MSH5: variants seen among roughly 807,000 people sequenced by gnomAD.
MSH5 encodes the protein mutS homolog 5, also known as mutS protein homolog 5.
In MSH5, 78 loss-of-function variants were observed where a neutral mutation model predicts 107.7. The ratio of observed to expected loss-of-function variants is 0.72; its 90% CI spans 0.60 to 0.87. The LOEUF (loss-of-function observed/expected upper bound fraction) is 0.87, where lower values mean the gene tolerates loss of function less well. Among genes scored for constraint, MSH5 ranks in the 40% least tolerant of loss-of-function variants. The probability of loss-of-function intolerance (pLI) is 0.00; values close to 1 mark genes in which losing one functional copy is unlikely to be tolerated. For missense variants in MSH5, 889 were observed against 1,046.6 expected (o/e 0.85, Z 2.08); for synonymous variants, 326 against 399.5 (o/e 0.82, Z 2.19).
chr6:31,758,112 A>T lies in MSH5; in HGVS notation c.1015-53A>T. 6.2e-7 allele frequency: 1 copy of T among 1,608,768 alleles called. No individual in the cohort carries two copies. Among genetic ancestry groups the T allele is most frequent in the Non-Finnish European group, 8.5e-7 (1 of 1,177,262 alleles). ...TTCTTCTGAGTCTGTCCCTATCACCACCTCAACCCGAGCTGGATGTGGCCT... is the reference window on the plus strand; with the variant it reads ...TTCTTCTGAGTCTGTCCCTATCACCTCCTCAACCCGAGCTGGATGTGGCCT... On this transcript the variant is annotated intron_variant, in intron 12 of 24. Transcript: ENST00000375750. The surrounding 1 kb of genome is among the most constrained non-coding windows in gnomAD (Gnocchi z 5.1).
chr6:31,761,485 C>G lies in MSH5; in HGVS notation c.2051C>G (p.Ala684Gly), dbSNP rs780625907. Residue 684 changes from alanine (A) to glycine (G), a missense_variant, in exon 22 of 25, where the codon GCG becomes GGG. Around this residue, in one of 3 missense-constraint regions of MSH5, gnomAD observed 362 missense variants for 456.2 expected, o/e 0.79. Coordinates refer to ENST00000375750, the MANE Select transcript of MSH5 (RefSeq NM_172166.4). This position sits in a 1 kb window ranked among gnomAD's most constrained non-coding sequence, Gnocchi z 5.3. ...CCCTCTTTGCAGGTGGATGGGCTCG[C>G]GCTTCTGGCCGCTGTGCTCCGACAC... Reference protein sequence around the residue: ...GKGTNTVDGLALLAAVLRHWL... With the variant: ...GKGTNTVDGLGLLAAVLRHWL... The G allele has an allele frequency of 6.2e-7, 1 of 1,613,190 alleles. No homozygotes were observed. Among genetic ancestry groups the G allele is most frequent in the Non-Finnish European group, 8.5e-7 (1 of 1,180,040 alleles).
At chr6:31,752,468 A>G (rs1810048496) in intron 10 of MSH5, among the ~76,000 whole-genome samples, 1 of 152,102 alleles carries the variant, frequency 6.6e-6, no homozygotes, top group Non-Finnish European at 1.5e-5. Flanking sequence ...CACGCCTGTA[A>G]TCCCAGCACT....
intron 3 of MSH5, among the ~76,000 whole-genome samples, chr6:31,742,566 A>G (rs1809014850): frequency 6.6e-6 from 1 of 152,174 alleles, no homozygotes; most frequent in Non-Finnish European, 1.5e-5. Flanking sequence ...CCACAAATAT[A>G]TATGACGTAT....
In MSH5 at chr6:31,743,890, C is replaced by T; in HGVS notation, c.416-14C>T. On this transcript the variant is annotated splice_polypyrimidine_tract_variant and intron_variant, in intron 5 of 24. Coordinates refer to ENST00000375750, the MANE Select transcript of MSH5 (RefSeq NM_172166.4). ...GCTACAAGACCGTTCCCTTTGCTTG[C>T]CTCCCTCAAATAGGTCTGGAGATAA... The T allele has an allele frequency of 6.2e-7, 1 of 1,612,082 alleles. No individual in the cohort carries two copies. Among genetic ancestry groups the T allele is most frequent in the Non-Finnish European group, 8.5e-7 (1 of 1,179,566 alleles).
chr6:31,755,498 G>A (rs965841499), intron 12 of MSH5, among the ~76,000 whole-genome samples: 1 of 152,042 alleles, frequency 6.6e-6, no homozygotes, highest in African/African-American at 2.4e-5. Flanking sequence ...AAGTAGCTGG[G>A]ATTACAGGTG....
At position 31,740,616 on chromosome 6, in the gene MSH5, C is replaced by T; in HGVS notation, c.147+3C>T. ...AGGAGGAGGAGGAGCTGGCCGAGGT[C>T]TCTGAGGGGAGTAGAAACTTGAATG... On this transcript the variant is annotated splice_donor_region_variant and intron_variant, in intron 2 of 24. Transcript: ENST00000375750. This position sits in a 1 kb window ranked among gnomAD's most constrained non-coding sequence, Gnocchi z 4.4. 2 of 1,493,998 alleles carry T rather than the reference C, an allele frequency of 1.3e-6. No individual in the cohort carries two copies. The highest frequency in any genetic ancestry group is 1.8e-6 in the Non-Finnish European group (2 of 1,124,520). 92.5% of individuals were successfully genotyped at this position (1,493,998 alleles called of 1,614,324 possible). A position where few individuals can be genotyped will look rare whatever the true frequency, so the allele number is the denominator to read the frequency against.
In MSH5 at chr6:31,740,552, C is replaced by T; in HGVS notation, c.86C>T (p.Pro29Leu). The T allele has an allele frequency of 6.6e-7, 1 of 1,524,794 alleles. No homozygotes were observed. The highest frequency in any genetic ancestry group is 1.4e-5 in the African/African-American group (1 of 70,604). 94.5% of individuals were successfully genotyped at this position (1,524,794 alleles called of 1,614,324 possible). Residue 29 changes from proline to leucine, a missense_variant, in exon 2 of 25, where the codon CCA becomes CTA. Pro to Leu is a moderately conservative substitution (Grantham distance 98). Coordinates refer to ENST00000375750, the MANE Select transcript of MSH5 (RefSeq NM_172166.4). The surrounding 1 kb of genome is among the most constrained non-coding windows in gnomAD (Gnocchi z 4.4). ...TCCTCCGGCTTCCCCAGCCCGGCCC[C>T]AGTGCCGGGCCCCAGGGAGGCCGAG... Reference protein sequence around the residue: ...AASSGFPSPAPVPGPREAEEE... With the variant: ...AASSGFPSPALVPGPREAEEE...
chr6:31,746,480 C>G, intron 9 of MSH5: 1 of 151,932 alleles, frequency 6.6e-6, no homozygotes, highest in Non-Finnish European at 1.5e-5. Context: ...GCTGTGTCAC[C>G]CAGGCTGGAG....
chr6:31,744,324 C>A (rs1809209199), intron 7 of MSH5, 25 bp downstream of exon 7: 1 of 1,613,672 alleles, frequency 6.2e-7, no homozygotes, highest in Non-Finnish European at 8.5e-7. Flanking sequence ...CCAACCCCAA[C>A]CAAAGTAATG....
chr6:31,762,515 C>G lies in MSH5; in HGVS notation c.2489C>G (p.Ala830Gly). Reference sequence around the variant, plus strand: ...ATGAGCCAGGAAGTGCTGCCTGCTGCCACCAGCATCCTCTGAGAGTCCTTC... The same window carrying G: ...ATGAGCCAGGAAGTGCTGCCTGCTGGCACCAGCATCCTCTGAGAGTCCTTC... ...VFMSQEVLPA[A>G]TSIL is the part of the protein sequence containing the mutation. Residue 830 changes from alanine to glycine, a missense_variant, in exon 25 of 25, where the codon GCC (alanine) becomes GGC (glycine). Transcript: ENST00000375750. 9 of 1,613,048 alleles carry G rather than the reference C, an allele frequency of 5.6e-6. No homozygotes were observed. The highest frequency in any genetic ancestry group is 7.6e-6 in the Non-Finnish European group (9 of 1,179,014).
intron 3 of MSH5, among the ~76,000 whole-genome samples, chr6:31,742,152 C>T (rs1808973333): frequency 2.6e-5 from 4 of 152,212 alleles, no homozygotes; most frequent in African/African-American, 7.2e-5. Flanking sequence ...CAAACTATAG[C>T]ACTGACTCAA....
At chr6:31,750,963 AAC>A in intron 10 of MSH5, among the ~76,000 whole-genome samples, 1 of 152,298 alleles carries the variant, frequency 6.6e-6, no homozygotes, top group African/African-American at 2.4e-5. Flanking sequence ...GAATTAGACA[AAC>A]ACAGATGAGA....
rs1808777012 is a variant in MSH5 at position 31,740,625 on chromosome 6, G to C, written c.147+12G>C. 6.7e-7 allele frequency: 1 copy of C among 1,486,160 alleles called. No individual in the cohort carries two copies. Among genetic ancestry groups the C allele is most frequent in the South Asian group, 1.3e-5 (1 of 75,878 alleles). The allele number at this position is 1,486,160 out of a possible 1,614,324, so 92.1% of individuals were successfully genotyped here. On this transcript the variant is annotated intron_variant, in intron 2 of 24. Transcript: ENST00000375750. The surrounding 1 kb of genome is among the most constrained non-coding windows in gnomAD (Gnocchi z 4.4). ...AGGAGCTGGCCGAGGTCTCTGAGGGGAGTAGAAACTTGAATGGAGAGTTGA... is the reference window on the plus strand; with the variant it reads ...AGGAGCTGGCCGAGGTCTCTGAGGGCAGTAGAAACTTGAATGGAGAGTTGA...
At position 31,762,093 on chromosome 6, in the gene MSH5, C is replaced by T. The variant is rs1261012494; in HGVS notation, c.2320-19C>T. The T allele has an allele frequency of 6.2e-7, 1 of 1,614,000 alleles. No individual in the cohort carries two copies. Among genetic ancestry groups the T allele is most frequent in the Non-Finnish European group, 8.5e-7 (1 of 1,179,964 alleles). ...TTCCCCACTCCCCTTACTCCTCCCACCTTCTTGCTTGTTCCTAGGTCTCAG... is the reference window on the plus strand; with the variant it reads ...TTCCCCACTCCCCTTACTCCTCCCATCTTCTTGCTTGTTCCTAGGTCTCAG... On this transcript the variant is annotated intron_variant, in intron 23 of 24. Transcript: ENST00000375750.
chr6:31,760,927 T>C lies in MSH5; in HGVS notation c.1962+88T>C. ...ATGCTCATAACAGGAAAGCATGCCC[T>C]CTGCTGCATGCCCTTTATACTAAAA... On this transcript the variant is annotated intron_variant, in intron 20 of 24. Transcript: ENST00000375750. The surrounding 1 kb of genome is among the most constrained non-coding windows in gnomAD (Gnocchi z 5.6). The C allele has an allele frequency of 7.1e-7, 1 of 1,411,734 alleles. No homozygotes were observed. 87.5% of individuals were successfully genotyped at this position (1,411,734 alleles called of 1,614,324 possible).
At chr6:31,755,337 CATTTATTTATTTATTT>C (rs60849631) in intron 12 of MSH5, among the ~76,000 whole-genome samples, 9 of 144,924 alleles carry the variant, frequency 6.2e-5, no homozygotes, top group Admixed American at 1.4e-4. Flanking sequence ...TTTTTGCTTG[CATTTATTTATTTATTT>C]ATTTATTTAT....
In MSH5 at chr6:31,747,396, A is replaced by G; in HGVS notation, c.776A>G (p.Asn259Ser). The G allele has an allele frequency of 6.2e-7, 1 of 1,613,056 alleles. No individual in the cohort carries two copies. Among genetic ancestry groups the G allele is most frequent in the Middle Eastern group, 1.6e-4 (1 of 6,062 alleles). Residue 259 changes from asparagine (N) to serine (S), a missense_variant, in exon 10 of 25, where the codon AAC becomes AGC. Transcript: ENST00000375750. ...KEGLSLFGIL[N>S]RCHCKWGEKL... ...GCCTTATCCCTCACAGGAATCCTCA[A>G]CAGATGCCACTGTAAGTGGGGAGAG...
rs1583896112 is a variant in MSH5, at chr6:31,741,419, C to A, written c.271+133C>A. 4 of 1,254,726 alleles carry A rather than the reference C, an allele frequency of 3.2e-6. No individual in the cohort carries two copies. In the East Asian group the frequency reaches 1.0e-4, roughly 32 times the overall value. 77.7% of individuals were successfully genotyped at this position (1,254,726 alleles called of 1,614,324 possible). ...TTCTAGACAGAGTCTTGCTCTGTTA[C>A]CCAGGCTCAAGTGCAGTGGCGCAAT... is the stretch of plus-strand genomic sequence containing the variant. On this transcript the variant is annotated intron_variant, in intron 3 of 24. Transcript: ENST00000375750.
At position 31,758,188 on chromosome 6, in the gene MSH5, GA is replaced by G; in HGVS notation, c.1039del (p.Arg347GlyfsTer35). ...AGACTGTGTACAGTGCCCTGGGCCT[GA>G]GGGATGCCTGCCGCTCCCTGCCGCA... The part of the protein sequence containing the change: ...YKTVYSALGL[R>X]DACRSLPQSI... On this transcript the variant is annotated frameshift_variant, in exon 13 of 25. Coordinates refer to ENST00000375750, the MANE Select transcript of MSH5 (RefSeq NM_172166.4). LOFTEE classifies it high-confidence loss of function. The surrounding 1 kb of genome is among the most constrained non-coding windows in gnomAD (Gnocchi z 5.1). 1 of 1,613,032 alleles carries G rather than the reference GA, an allele frequency of 6.2e-7. No homozygotes were observed. The highest frequency in any genetic ancestry group is 8.5e-7 in the Non-Finnish European group (1 of 1,180,034).
Sources: allele counts gnomAD v4.1 joint callset (sites outside exome capture counted in the v4.1 genomes callset), GRCh38; gene constraint gnomAD v4.1.1; regional missense constraint gnomAD v4.1.1; non-coding constraint Gnocchi (gnomAD v3.1); transcripts MANE v1.5; gene names NCBI Gene and HGNC (gene_info 2026-07-23, HGNC 2026-07-21).